MARCHF8: variants seen among roughly 807,000 people sequenced by gnomAD.
The protein encoded by MARCHF8 is membrane associated ring-CH-type finger 8, also known as E3 ubiquitin-protein ligase MARCHF8.
A neutral mutation model predicts 51.6 loss-of-function variants in MARCHF8; 40 were observed. The observed-to-expected ratio is 0.77, with a 90% CI of 0.60 to 1.01. The LOEUF is 1.01. MARCHF8 is among the 50% of genes least tolerant of loss of function. MARCHF8 has a pLI of 0.00. For missense variants in MARCHF8, 685 were observed against 708.6 expected, an observed-to-expected ratio of 0.97 and a Z score of 0.38; for synonymous variants, 263 against 280.3, an observed-to-expected ratio of 0.94 and a Z score of 0.62.
intron 2 of MARCHF8, among the ~76,000 whole-genome samples, chr10:45,521,886 C>T (rs941583491): frequency 6.6e-6 from 1 of 152,128 alleles, no homozygotes; most frequent in African/African-American, 2.4e-5. Context: ...CTTTTTCTTT[C>T]TCTGATATAC....
intron 3 of MARCHF8, among the ~76,000 whole-genome samples, chr10:45,474,609 G>A (rs1030991374): frequency 2.0e-5 from 3 of 152,202 alleles, no homozygotes; most frequent in African/African-American, 7.2e-5. Context: ...AAAATCTAGA[G>A]GAGGGGCTTC....
At chr10:45,496,248 ATGCATATATATTT>A (rs1374243746) in intron 2 of MARCHF8, among the ~76,000 whole-genome samples, 8 of 152,166 alleles carry the variant, frequency 5.3e-5, no homozygotes, top group Non-Finnish European at 1.2e-4. Flanking sequence ...GACAATATAA[ATGCATATATATTT>A]TGCATATATA....
At chr10:45,467,526 A>G (rs1843008222) in intron 3 of MARCHF8, among the ~76,000 whole-genome samples, 1 of 152,222 alleles carries the variant, frequency 6.6e-6, no homozygotes, top group Non-Finnish European at 1.5e-5. Flanking sequence ...AGAGAAATCT[A>G]TCAACCAACA....
At chr10:45,482,424 G>A (rs904116996) in intron 3 of MARCHF8, among the ~76,000 whole-genome samples, 1 of 152,122 alleles carries the variant, frequency 6.6e-6, no homozygotes, top group Non-Finnish European at 1.5e-5. Flanking sequence ...TATTACACAA[G>A]GCTACAGAAA....
intron 3 of MARCHF8, among the ~76,000 whole-genome samples, chr10:45,465,186 C>T (rs868142905): frequency 2.0e-5 from 3 of 152,158 alleles, no homozygotes; most frequent in African/African-American, 4.8e-5. Context: ...ACGCCAGCCT[C>T]GGATTCCCCA....
At chr10:45,459,016 C>T (rs781624529) in intron 7 of MARCHF8, 104 bp downstream of exon 7, 53 of 1,476,828 alleles carry the variant, frequency 3.6e-5, no homozygotes, top group South Asian at 9.8e-5. Flanking sequence ...GTCCCTCCTC[C>T]GGAAACCCAG....
chr10:45,586,505 A>C (rs1161187887), intron 1 of MARCHF8, among the ~76,000 whole-genome samples: 1 of 152,132 alleles, frequency 6.6e-6, no homozygotes, highest in Non-Finnish European at 1.5e-5. Flanking sequence ...CCAGGGGTGT[A>C]AATGTCTAGG....
chr10:45,512,017 G>C (rs530384556), intron 2 of MARCHF8, among the ~76,000 whole-genome samples: 1 of 149,056 alleles, frequency 6.7e-6, no homozygotes, highest in Non-Finnish European at 1.5e-5. Flanking sequence ...GCCTCTTCCC[G>C]GCCGTCATCC....
At chr10:45,512,850 A>G (rs75136608) in intron 2 of MARCHF8, among the ~76,000 whole-genome samples, 1,723 of 152,130 alleles carry the variant, frequency 0.011, 21 homozygotes, top group Non-Finnish European at 0.014. Context: ...AGAAGTAGAC[A>G]TGGGAGACTT....
chr10:45,536,856 T>G (rs1214833290), upstream of MARCHF8, among the ~76,000 whole-genome samples: 2 of 146,396 alleles, frequency 1.4e-5, no homozygotes, highest in Non-Finnish European at 3.0e-5. Context: ...ATAATAATAA[T>G]AATAATAATA....
chr10:45,560,612 C>G (rs1011083788), intron 1 of MARCHF8, among the ~76,000 whole-genome samples: 1 of 152,176 alleles, frequency 6.6e-6, no homozygotes, highest in Non-Finnish European at 1.5e-5. Flanking sequence ...GTGAGCAGCC[C>G]GGTCCCCTAG....
chr10:45,469,797 G>A (rs975887962), intron 3 of MARCHF8, among the ~76,000 whole-genome samples: 4 of 148,708 alleles, frequency 2.7e-5, no homozygotes, highest in African/African-American at 7.5e-5. Flanking sequence ...CCCGGGAGGC[G>A]GAGCTTGCAG....
intron 2 of MARCHF8, among the ~76,000 whole-genome samples, chr10:45,512,853 G>A (rs1310123938): frequency 5.9e-5 from 9 of 152,068 alleles, no homozygotes; most frequent in Admixed American, 5.9e-4. Context: ...AGTAGACATG[G>A]GAGACTTTTC....
At chr10:45,467,012 A>G (rs1473221822) in intron 3 of MARCHF8, among the ~76,000 whole-genome samples, 3 of 152,184 alleles carry the variant, frequency 2.0e-5, no homozygotes, top group Admixed American at 6.5e-5. Flanking sequence ...CACTTGTAGC[A>G]GATGTCAAGG....
intron 2 of MARCHF8, among the ~76,000 whole-genome samples, chr10:45,501,142 A>AT (rs2133142463): frequency 7.3e-6 from 1 of 137,764 alleles, no homozygotes; most frequent in South Asian, 2.3e-4. Context: ...AATTCTAGCA[A>AT]GTTTTTTTTT....
chr10:45,516,064 C>T (rs1316292594), intron 2 of MARCHF8, among the ~76,000 whole-genome samples: 1 of 152,224 alleles, frequency 6.6e-6, no homozygotes, highest in Non-Finnish European at 1.5e-5. Flanking sequence ...CACTCCCCTA[C>T]CCCATCCCAT....
chr10:45,555,526 C>A (rs1008520936), intron 1 of MARCHF8, among the ~76,000 whole-genome samples: 1 of 150,950 alleles, frequency 6.6e-6, no homozygotes, highest in South Asian at 2.1e-4. Flanking sequence ...CTCTTGAGGG[C>A]CAAGAGTTCA....
chr10:45,466,910 A>G (rs12767823), intron 3 of MARCHF8, among the ~76,000 whole-genome samples: 39,803 of 152,094 alleles, frequency 0.26, 5,441 homozygotes, highest in African/African-American at 0.33. Flanking sequence ...CCTCGTAACA[A>G]AACAAAGCCT....
intron 1 of MARCHF8, among the ~76,000 whole-genome samples, chr10:45,553,609 C>A (rs1418869074): frequency 6.6e-6 from 1 of 152,168 alleles, no homozygotes; most frequent in Admixed American, 6.5e-5. Context: ...ACACTAAAGA[C>A]AATCCAAATG....
Sources: gnomAD v4.1 joint callset for allele counts (sites outside exome capture counted in the v4.1 genomes callset) on GRCh38, gnomAD v4.1.1 for gene constraint, MANE v1.5 for transcripts, NCBI Gene and HGNC (gene_info 2026-07-23, HGNC 2026-07-21) for gene names.